PRPF6: variants seen among roughly 807,000 people sequenced by gnomAD.
PRPF6 encodes pre-mRNA processing factor 6, also known as pre-mRNA-processing factor 6.
PRPF6 carries 42 observed loss-of-function variants against 118.3 expected under a neutral mutation model. The ratio of observed to expected loss-of-function variants is 0.35; its 90% CI spans 0.28 to 0.46. The LOEUF is 0.46. Among genes scored for constraint, PRPF6 ranks in the 20% least tolerant of loss-of-function variants. The pLI, the probability that PRPF6 is intolerant of heterozygous loss-of-function variation, is 1.00. For synonymous variants in PRPF6, 481 were observed against 485.1 expected (o/e 0.99, Z 0.11); for missense variants, 662 against 1,255.7 (o/e 0.53, Z 7.15).
intron 9 of PRPF6, among the ~76,000 whole-genome samples, chr20:64,003,630 CTG>C (rs1027645582): frequency 6.6e-6 from 1 of 152,154 alleles, no homozygotes; most frequent in Non-Finnish European, 1.5e-5. Context: ...GAGTCTCGCT[CTG>C]TCGCCCAGCC....
chr20:64,001,278 G>T, intron 9 of PRPF6, 39 bp downstream of exon 9: 2 of 1,611,776 alleles, frequency 1.2e-6, no homozygotes, highest in Non-Finnish European at 1.7e-6. Flanking sequence ...TCCCTCCTTG[G>T]GGCCCCTCCT....
chr20:64,000,015 G>C (rs2059159481), intron 8 of PRPF6, among the ~76,000 whole-genome samples: 1 of 150,656 alleles, frequency 6.6e-6, no homozygotes, highest in African/African-American at 2.4e-5. Context: ...GCAGTGGCAC[G>C]ATCTCGGCTC....
Position 64,016,659 on chromosome 20 carries a change from C to A in PRPF6, c.1525-64C>A, listed in dbSNP as rs1045599849. On this transcript the variant is annotated intron_variant, in intron 11 of 20. Coordinates refer to ENST00000266079, the MANE Select transcript of PRPF6 (RefSeq NM_012469.4). ...TTTAACCGTTCAGGAACTCCGTACT[C>A]CCCGTTGGGAATCTGCAGCTCTGAT... 1.4e-5 allele frequency: 22 copies of A among 1,600,716 alleles called. No homozygotes were observed. The Admixed American group carries it at 3.8e-4, about 28-fold the overall frequency.
In PRPF6 at chr20:64,029,626, C is replaced by T. The variant is rs1306699534; in HGVS notation, c.2546+135C>T. Reference sequence around the variant, plus strand: ...GGCTTCCCCGATCCTCGGCTGCCGTCGCTCCTGCTGTGGTCTGGGGCAGGC... The same window carrying T: ...GGCTTCCCCGATCCTCGGCTGCCGTTGCTCCTGCTGTGGTCTGGGGCAGGC... On this transcript the variant is annotated intron_variant, in intron 19 of 20. Coordinates refer to ENST00000266079, the MANE Select transcript of PRPF6 (RefSeq NM_012469.4). The surrounding 1 kb of genome is among the most constrained non-coding windows in gnomAD (Gnocchi z 4.8). The T allele has an allele frequency of 1.4e-5, 11 of 787,062 alleles. No individual in the cohort carries two copies. Among genetic ancestry groups the T allele is most frequent in the Non-Finnish European group, 2.1e-5 (10 of 472,376 alleles). 48.8% of individuals were successfully genotyped at this position (787,062 alleles called of 1,614,324 possible). A position where few individuals can be genotyped will look rare whatever the true frequency, so the allele number is the denominator to read the frequency against.
intron 11 of PRPF6, among the ~76,000 whole-genome samples, chr20:64,015,506 C>A (rs1194526032): frequency 6.6e-6 from 1 of 152,198 alleles, no homozygotes; most frequent in Non-Finnish European, 1.5e-5. Context: ...ATGTCGTGGT[C>A]CCCCATGTTG....
chr20:63,996,640 A>T (rs2059142199), intron 6 of PRPF6, among the ~76,000 whole-genome samples: 1 of 152,214 alleles, frequency 6.6e-6, no homozygotes, highest in African/African-American at 2.4e-5. Context: ...TAGAAATTGT[A>T]AAACTTTTTG....
chr20:64,011,137 T>C lies in PRPF6; in HGVS notation c.1306-148T>C, dbSNP rs910410197. 8.3e-6 allele frequency: 6 copies of C among 719,982 alleles called. No individual in the cohort carries two copies. Among genetic ancestry groups the C allele is most frequent in the East Asian group, 5.4e-5 (2 of 37,018 alleles). 44.6% of individuals were successfully genotyped at this position (719,982 alleles called of 1,614,324 possible). Reference sequence around the variant, plus strand: ...CAGTTGGTCAGGTGAGAAGTGCTGCTGTGGACACTTCTCAGGCCATGTTCA... The same window carrying C: ...CAGTTGGTCAGGTGAGAAGTGCTGCCGTGGACACTTCTCAGGCCATGTTCA... On this transcript the variant is annotated intron_variant, in intron 10 of 20. Coordinates refer to ENST00000266079, the MANE Select transcript of PRPF6 (RefSeq NM_012469.4). This position sits in a 1 kb window ranked among gnomAD's most constrained non-coding sequence, Gnocchi z 6.7.
chr20:64,024,452 G>T (rs1000876290), intron 13 of PRPF6, 103 bp from the exon 14 acceptor site: 10 of 1,458,218 alleles, frequency 6.9e-6, no homozygotes, highest in Non-Finnish European at 9.6e-6. Flanking sequence ...ATCGAACTTT[G>T]GAGCAGTAAC....
intron 6 of PRPF6, 82 bp downstream of exon 6, chr20:63,995,564 C>A: frequency 1.3e-6 from 2 of 1,522,512 alleles, no homozygotes; most frequent in Non-Finnish European, 1.8e-6. Context: ...CCTTCTTCTT[C>A]TTCTCCTTTT....
intron 19 of PRPF6, among the ~76,000 whole-genome samples, chr20:64,030,363 C>T (rs767918170): frequency 6.6e-6 from 1 of 152,210 alleles, no homozygotes; most frequent in Non-Finnish European, 1.5e-5. Context: ...TTCCCCTCCA[C>T]CTGCCCCGCC....
chr20:63,987,507 A>G (rs1275146702), intron 3 of PRPF6, among the ~76,000 whole-genome samples: 1 of 152,094 alleles, frequency 6.6e-6, no homozygotes, highest in African/African-American at 2.4e-5. Context: ...TGGTAGGCCC[A>G]CAGCTCGTAT....
intron 9 of PRPF6, among the ~76,000 whole-genome samples, chr20:64,002,014 G>GTTTTTTTTTTTTTTT (rs386394238): frequency 1.1e-4 from 9 of 83,266 alleles, no homozygotes; most frequent in African/African-American, 1.4e-4. Flanking sequence ...TTTTTTTCTG[G>GTTTTTTTTTTTTTTT]TTTTTTTTTT....
At chr20:64,001,018 G>T (rs1417027209) in intron 8 of PRPF6, 59 bp from the exon 9 acceptor site, 2 of 1,571,816 alleles carry the variant, frequency 1.3e-6, no homozygotes, top group South Asian at 1.1e-5. Flanking sequence ...TGTGCCTGCT[G>T]CCCTGTTGCG....
intron 10 of PRPF6, among the ~76,000 whole-genome samples, chr20:64,010,652 C>T (rs1241355420): frequency 3.9e-5 from 6 of 152,206 alleles, no homozygotes; most frequent in East Asian, 1.9e-4. Context: ...AAGGTGGCAG[C>T]GTGATAGAAA....
intron 9 of PRPF6, among the ~76,000 whole-genome samples, chr20:64,008,160 A>G (rs2059198973): frequency 6.6e-6 from 1 of 152,228 alleles, no homozygotes; most frequent in South Asian, 2.1e-4. Flanking sequence ...GCACGGGCAC[A>G]TGCATGCATA....
At chr20:64,000,927 C>T (rs552140687) in intron 8 of PRPF6, 150 bp from the exon 9 acceptor site, 13 of 753,190 alleles carry the variant, frequency 1.7e-5, no homozygotes, top group Admixed American at 1.5e-4. Flanking sequence ...TATAAGGGGG[C>T]GACTCCTGGT....
At chr20:64,021,501 GTC>G (rs1201669200) in intron 12 of PRPF6, among the ~76,000 whole-genome samples, 2 of 149,008 alleles carry the variant, frequency 1.3e-5, no homozygotes, top group African/African-American at 2.5e-5. Flanking sequence ...ACAGCCCTGT[GTC>G]TGTGTGTGTG....
At chr20:63,985,110 T>A in intron 3 of PRPF6, 85 bp downstream of exon 3, 1 of 1,092,720 alleles carries the variant, frequency 9.2e-7, no homozygotes, top group Non-Finnish European at 1.4e-6. Flanking sequence ...ACGTGTGTAA[T>A]CCTAGCACTT....
chr20:63,999,150 T>C lies in PRPF6; in HGVS notation c.866+11T>C. On this transcript the variant is annotated intron_variant, in intron 7 of 20. Coordinates refer to ENST00000266079, the MANE Select transcript of PRPF6 (RefSeq NM_012469.4). ...CGGAGGAGACATCAAGTGAGTGCTT[T>C]GCAGAATCGCTGGGCTGGGATGGAG... 6.2e-7 allele frequency: 1 copy of C among 1,611,626 alleles called. No homozygotes were observed. Among genetic ancestry groups the C allele is most frequent in the East Asian group, 2.2e-5 (1 of 44,874 alleles).
Sources: gnomAD v4.1 joint callset for allele counts (sites outside exome capture counted in the v4.1 genomes callset) on GRCh38, gnomAD v4.1.1 for gene constraint, Gnocchi (gnomAD v3.1) non-coding constraint, MANE v1.5 for transcripts, NCBI Gene and HGNC (gene_info 2026-07-23, HGNC 2026-07-21) for gene names.